CREB1: variants seen among roughly 807,000 people sequenced by gnomAD.
The protein encoded by CREB1 is cyclic AMP-responsive element-binding protein 1.
CREB1 carries 2 observed loss-of-function variants against 42.0 expected under a neutral mutation model. The ratio of observed to expected loss-of-function variants is 0.05; its 90% CI spans 0.02 to 0.15. The LOEUF (loss-of-function observed/expected upper bound fraction) is 0.15, where lower values mean the gene tolerates loss of function less well. CREB1 is among the 10% of genes least tolerant of loss of function. The probability of loss-of-function intolerance (pLI) is 1.00; values close to 1 mark genes in which losing one functional copy is unlikely to be tolerated. For missense variants in CREB1, 199 were observed against 388.9 expected (o/e 0.51, Z 4.11); for synonymous variants, 123 against 139.9 (o/e 0.88, Z 0.85).
At chr2:207,566,622 T>A (rs774615264) in intron 3 of CREB1, among the ~76,000 whole-genome samples, 4 of 152,162 alleles carry the variant, frequency 2.6e-5, no homozygotes, top group Non-Finnish European at 1.5e-5. Context: ...AAATGGAGGT[T>A]AATGACAGTG....
At chr2:207,540,824 T>C (rs967158182) in intron 1 of CREB1, among the ~76,000 whole-genome samples, 3 of 152,166 alleles carry the variant, frequency 2.0e-5, no homozygotes, top group Non-Finnish European at 4.4e-5. Flanking sequence ...CTATGTGTTA[T>C]TACAAAAGAG....
chr2:207,595,606 A>T (rs964300891), intron 7 of CREB1, among the ~76,000 whole-genome samples: 6 of 151,938 alleles, frequency 3.9e-5, no homozygotes, highest in African/African-American at 1.5e-4. Context: ...TTTGTCACCC[A>T]GGTTGGAATG....
intron 2 of CREB1, chr2:207,559,208 C>A: frequency 1.6e-6 from 1 of 619,288 alleles, no homozygotes; most frequent in Non-Finnish European, 2.0e-6. Context: ...TTTCTCTTTG[C>A]TTTTGCCACT....
chr2:207,590,293 AT>A (rs760999755), intron 7 of CREB1, among the ~76,000 whole-genome samples: 4 of 151,548 alleles, frequency 2.6e-5, no homozygotes, highest in Non-Finnish European at 4.4e-5. Flanking sequence ...CATTCCTAAT[AT>A]TGTTAATTTT....
At chr2:207,564,329 A>G (rs2082061427) in intron 3 of CREB1, among the ~76,000 whole-genome samples, 1 of 151,908 alleles carries the variant, frequency 6.6e-6, no homozygotes, top group South Asian at 2.1e-4. Context: ...GCAACATAGC[A>G]AGACCCTGTC....
chr2:207,588,091 TAAAAA>T (rs1574961560), intron 7 of CREB1, among the ~76,000 whole-genome samples: 1 of 151,736 alleles, frequency 6.6e-6, no homozygotes, highest in African/African-American at 2.4e-5. Flanking sequence ...CAACTAAAAA[TAAAAA>T]GGAAAAAAGA....
At position 207,595,682 on chromosome 2, in the gene CREB1, A is replaced by G. The variant is rs2086006743; in HGVS notation, c.840-1232A>G. Among the ~76,000 whole-genome samples, 3 of 152,038 alleles carry G rather than the reference A, an allele frequency of 2.0e-5. No individual in the cohort carries two copies. The South Asian group carries it at 6.2e-4, about 32-fold the overall frequency. Reference sequence around the variant, plus strand: ...TGGGCTTAAGCAGTCCTCCCACCTCAGCTTCCTGAGCAGCTGGGACTACAG... The same window carrying G: ...TGGGCTTAAGCAGTCCTCCCACCTCGGCTTCCTGAGCAGCTGGGACTACAG... On this transcript the variant is annotated intron_variant, in intron 7 of 7. Coordinates refer to ENST00000353267, the MANE Select transcript of CREB1 (RefSeq NM_004379.5).
intron 7 of CREB1, among the ~76,000 whole-genome samples, chr2:207,583,827 C>A (rs1354715233): frequency 6.6e-6 from 1 of 152,066 alleles, no homozygotes; most frequent in African/African-American, 2.4e-5. Context: ...CTCTTATATC[C>A]CTTTGAAGTC....
intron 5 of CREB1, among the ~76,000 whole-genome samples, chr2:207,573,786 C>G (rs1375398204): frequency 6.6e-6 from 1 of 152,166 alleles, no homozygotes; most frequent in Admixed American, 6.5e-5. Context: ...CAAACTACAA[C>G]CCAGTCTTGT....
chr2:207,551,003 TC>T (rs2081482240), intron 1 of CREB1, among the ~76,000 whole-genome samples: 1 of 152,218 alleles, frequency 6.6e-6, no homozygotes, highest in Non-Finnish European at 1.5e-5. Flanking sequence ...TTACCTTTTT[TC>T]CTTGTTTTCT....
rs58914399 is a variant in CREB1 at position 207,604,778 on chromosome 2, T to G, written c.*7720T>G. ...CCCTTGTCCCTGGCAACCACCAATC[T>G]GCTTCCTGTTTCTTTGGATTTACAT... On this transcript the variant is annotated 3_prime_UTR_variant, in exon 8 of 8. Coordinates refer to ENST00000353267, the MANE Select transcript of CREB1 (RefSeq NM_004379.5). Among the ~76,000 whole-genome samples the G allele has an allele frequency of 0.012, 1,801 of 152,298 alleles. 34 individuals are homozygous for G. Among genetic ancestry groups the G allele is most frequent in the African/African-American group, 0.041 (1,685 of 41,560 alleles).
In CREB1 at chr2:207,599,606, ATCCTGTTGCTAAATCTGTC is replaced by A. The variant is rs1315921043; in HGVS notation, c.*2550_*2568del. ...TGCTTAATGATGAGGTGAGAAATGT[ATCCTGTTGCTAAATCTGTC>A]TTAGACCCTTGGTGAAACTTGAAGA... On this transcript the variant is annotated 3_prime_UTR_variant, in exon 8 of 8. Coordinates refer to ENST00000353267, the MANE Select transcript of CREB1 (RefSeq NM_004379.5). The A allele has an allele frequency of 1.0e-5, 2 of 199,258 alleles. No individual in the cohort carries two copies. The highest frequency in any genetic ancestry group is 2.1e-5 in the Non-Finnish European group (2 of 96,418). The allele number at this position is 199,258 out of a possible 1,614,324, so 12.3% of individuals were successfully genotyped here.
rs1047645988 is a variant in CREB1 at position 207,605,213 on chromosome 2, C to T, written c.*8155C>T. On this transcript the variant is annotated 3_prime_UTR_variant, in exon 8 of 8. Transcript: ENST00000353267. Reference sequence around the variant, plus strand: ...ATGTATGAGGGTTCCAATTTCTCCACACCTTCACCAACACTTATTTTGCCA... The same window carrying T: ...ATGTATGAGGGTTCCAATTTCTCCATACCTTCACCAACACTTATTTTGCCA... Among the ~76,000 whole-genome samples, 1 of 152,200 alleles carries T rather than the reference C, an allele frequency of 6.6e-6. No homozygotes were observed. Among genetic ancestry groups the T allele is most frequent in the Non-Finnish European group, 1.5e-5 (1 of 68,034 alleles).
At position 207,598,208 on chromosome 2, in the gene CREB1, T is replaced by G. The variant is rs185867924; in HGVS notation, c.*1150T>G. On this transcript the variant is annotated 3_prime_UTR_variant, in exon 8 of 8. Transcript: ENST00000353267. ...AGGATATAAAAAGTACAGTGTTAGA[T>G]GTGCACAAGGAAAGTTATTTTCAGA... The G allele has an allele frequency of 2.6e-4, 48 of 183,126 alleles. No individual in the cohort carries two copies. The highest frequency in any genetic ancestry group is 1.0e-3 in the African/African-American group (43 of 42,688). 11.3% of individuals were successfully genotyped at this position (183,126 alleles called of 1,614,324 possible). A position where few individuals can be genotyped will look rare whatever the true frequency, so the allele number is the denominator to read the frequency against.
At chr2:207,530,590 G>T (rs2080564542) in intron 1 of CREB1, among the ~76,000 whole-genome samples, 1 of 147,360 alleles carries the variant, frequency 6.8e-6, no homozygotes, top group Non-Finnish European at 1.5e-5. Flanking sequence ...TCCGGCCCCC[G>T]CCGCCCGCCT....
chr2:207,569,155 ATTT>A (rs964038157), intron 4 of CREB1, among the ~76,000 whole-genome samples: 1 of 151,674 alleles, frequency 6.6e-6, no homozygotes, highest in East Asian at 1.9e-4. Flanking sequence ...TGTTTCCAGT[ATTT>A]TTTTTCCTTT....
chr2:207,564,390 C>T (rs1263112836), intron 3 of CREB1, among the ~76,000 whole-genome samples: 2 of 152,018 alleles, frequency 1.3e-5, no homozygotes, highest in African/African-American at 4.8e-5. Flanking sequence ...TGCCTGCAAT[C>T]CCAGCTAACT....
chr2:207,579,288 C>G (rs920730998), intron 7 of CREB1, among the ~76,000 whole-genome samples: 1 of 152,012 alleles, frequency 6.6e-6, no homozygotes, highest in Non-Finnish European at 1.5e-5. Context: ...CAAGTCTGAT[C>G]AAGAAGTCTC....
At chr2:207,562,702 G>C (rs1175048206) in intron 3 of CREB1, among the ~76,000 whole-genome samples, 1 of 152,148 alleles carries the variant, frequency 6.6e-6, no homozygotes, top group Non-Finnish European at 1.5e-5. Context: ...AGTTAATGGT[G>C]ATTAGTGTTA....
Sources: gnomAD v4.1 joint callset for allele counts (sites outside exome capture counted in the v4.1 genomes callset) on GRCh38, gnomAD v4.1.1 for gene constraint, MANE v1.5 for transcripts, NCBI Gene and HGNC (gene_info 2026-07-23, HGNC 2026-07-21) for gene names.